PTPRG: variants seen among roughly 807,000 people sequenced by gnomAD.
PTPRG encodes the protein receptor-type tyrosine-protein phosphatase gamma.
Under a neutral mutation model 165.3 loss-of-function variants are expected in PTPRG, and 102 were observed. The observed-to-expected ratio is 0.62, with a 90% confidence interval of 0.53 to 0.73. The LOEUF (loss-of-function observed/expected upper bound fraction) is 0.73. Ranked by LOEUF, PTPRG falls within the 30% of genes least tolerant of loss-of-function variation. The pLI, the probability that PTPRG is intolerant of heterozygous loss-of-function variation, is 0.00. For missense variants in PTPRG, 1,866 were observed against 1,861.4 expected (o/e 1.00, Z -0.05); for synonymous variants, 675 against 669.5 (o/e 1.01, Z -0.13).
chr3:61,942,193 A>C (rs1306717800), intron 2 of PTPRG, among the ~76,000 whole-genome samples: 2 of 150,772 alleles, frequency 1.3e-5, no homozygotes, highest in African/African-American at 4.9e-5. Flanking sequence ...TTAGTTTTGC[A>C]TCATAAACAG....
intron 1 of PTPRG, among the ~76,000 whole-genome samples, chr3:61,704,921 T>C (rs2031171731): frequency 6.6e-6 from 1 of 152,216 alleles, no homozygotes; most frequent in African/African-American, 2.4e-5. Context: ...CAGTTTCTGC[T>C]ACCTGCTCAT....
intron 1 of PTPRG, among the ~76,000 whole-genome samples, chr3:61,668,277 T>C (rs551205856): frequency 2.6e-4 from 40 of 152,224 alleles, no homozygotes; most frequent in Non-Finnish European, 4.7e-4. Context: ...TCCAGTGTTA[T>C]GATGAATGTG....
chr3:62,124,884 C>T (rs541242774), intron 5 of PTPRG, among the ~76,000 whole-genome samples: 3 of 152,304 alleles, frequency 2.0e-5, no homozygotes, highest in East Asian at 3.9e-4. Context: ...TTGCTTTTGC[C>T]TTATTCTACT....
chr3:62,227,173 C>G (rs1700781844), intron 13 of PTPRG, among the ~76,000 whole-genome samples: 2 of 152,148 alleles, frequency 1.3e-5, no homozygotes, highest in South Asian at 4.1e-4. Context: ...ACACAGATCC[C>G]TCCTGTACTG....
intron 2 of PTPRG, among the ~76,000 whole-genome samples, chr3:61,809,906 C>T (rs1418656044): frequency 6.6e-6 from 1 of 152,196 alleles, no homozygotes; most frequent in Non-Finnish European, 1.5e-5. Context: ...TTTCCCCCAG[C>T]TCCTGTATCA....
At chr3:61,925,452 C>G (rs1383067514) in intron 2 of PTPRG, among the ~76,000 whole-genome samples, 1 of 152,192 alleles carries the variant, frequency 6.6e-6, no homozygotes, top group Non-Finnish European at 1.5e-5. Flanking sequence ...CCTTAAAAAT[C>G]ACTGGTCAGG....
At chr3:61,736,146 A>G (rs2106856098) in intron 1 of PTPRG, among the ~76,000 whole-genome samples, 1 of 151,734 alleles carries the variant, frequency 6.6e-6, no homozygotes, top group Non-Finnish European at 1.5e-5. Context: ...GAGCTCAGGC[A>G]ATCCGCCTGC....
intron 2 of PTPRG, among the ~76,000 whole-genome samples, chr3:61,880,154 C>T (rs1386996017): frequency 6.6e-6 from 1 of 152,170 alleles, no homozygotes; most frequent in Non-Finnish European, 1.5e-5. Flanking sequence ...TTATTGAGTG[C>T]TTATCAAATA....
At chr3:61,739,964 G>A (rs1304900191) in intron 1 of PTPRG, among the ~76,000 whole-genome samples, 2 of 152,156 alleles carry the variant, frequency 1.3e-5, no homozygotes, top group Non-Finnish European at 2.9e-5. Flanking sequence ...CTCTCCTGGG[G>A]TTTTCCACAC....
chr3:61,723,097 C>A (rs1230820786), intron 1 of PTPRG, among the ~76,000 whole-genome samples: 1 of 152,040 alleles, frequency 6.6e-6, no homozygotes, highest in African/African-American at 2.4e-5. Flanking sequence ...TTCCTGTCTC[C>A]TTTATTTTCA....
At chr3:62,211,904 C>G (rs1168932957) in intron 12 of PTPRG, among the ~76,000 whole-genome samples, 1 of 151,848 alleles carries the variant, frequency 6.6e-6, no homozygotes, top group Non-Finnish European at 1.5e-5. Flanking sequence ...CAGTAAAAGG[C>G]AAACAGCATT....
chr3:62,200,662 A>C (rs1370548324), intron 10 of PTPRG, among the ~76,000 whole-genome samples: 1 of 152,242 alleles, frequency 6.6e-6, no homozygotes, highest in African/African-American at 2.4e-5. Flanking sequence ...TAATGATAAC[A>C]CATAGAACAG....
chr3:61,691,033 T>A (rs2030173284), intron 1 of PTPRG, among the ~76,000 whole-genome samples: 1 of 152,226 alleles, frequency 6.6e-6, no homozygotes, highest in African/African-American at 2.4e-5. Context: ...TGGCACGCCA[T>A]CAATGTGGAA....
rs71123255 is a variant in PTPRG at position 62,192,393 on chromosome 3, CTTTTTTTTTTTTTTTT to C, written c.1218+758_1218+773del. Among the ~76,000 whole-genome samples, 30 of 52,622 alleles carry C rather than the reference CTTTTTTTTTTTTTTTT, an allele frequency of 5.7e-4. 1 individual carries two copies. Among genetic ancestry groups the C allele is most frequent in the South Asian group, 4.1e-3 (4 of 978 alleles). The allele number at this position is 52,622 out of a possible 152,430, so 34.5% of individuals were successfully genotyped here. A position where few individuals can be genotyped will look rare whatever the true frequency, so the allele number is the denominator to read the frequency against. On this transcript the variant is annotated intron_variant, in intron 9 of 29. Transcript: ENST00000474889. Reference sequence around the variant, plus strand: ...ATAAAGCAAACTCCACAACTACTGTCTTTTTTTTTTTTTTTTTTTTTTTTTTTTTTTTTGAGACAGA... The same window carrying C: ...ATAAAGCAAACTCCACAACTACTGTCTTTTTTTTTTTTTTTTTGAGACAGA...
rs1270815396 is a variant in PTPRG, at chr3:62,233,565, C to A, written c.2375+2254C>A. On this transcript the variant is annotated intron_variant, in intron 14 of 29. Coordinates refer to ENST00000474889, the MANE Select transcript of PTPRG (RefSeq NM_002841.4). This position sits in a 1 kb window ranked among gnomAD's most constrained non-coding sequence, Gnocchi z 4.7. ...TCATTTTCTTTCCTGGCTTGTATCT[C>A]CACCTAAAATGTGGCCAGGAATCAA... Among the ~76,000 whole-genome samples, 1 of 152,182 alleles carries A rather than the reference C, an allele frequency of 6.6e-6. No homozygotes were observed. The highest frequency in any genetic ancestry group is 1.5e-5 in the Non-Finnish European group (1 of 68,032).
intron 2 of PTPRG, among the ~76,000 whole-genome samples, chr3:61,983,483 A>G (rs1189508249): frequency 6.6e-6 from 1 of 152,126 alleles, no homozygotes; most frequent in African/African-American, 2.4e-5. Flanking sequence ...AGCACATAAC[A>G]TGTATATTAG....
chr3:61,746,996 C>T (rs757673131), intron 1 of PTPRG, among the ~76,000 whole-genome samples: 52 of 152,212 alleles, frequency 3.4e-4, no homozygotes, highest in Admixed American at 9.8e-4. Flanking sequence ...TAGTGGCATG[C>T]GCTGATGGTC....
At chr3:62,236,845 G>A (rs1701044402) in intron 14 of PTPRG, among the ~76,000 whole-genome samples, 1 of 152,200 alleles carries the variant, frequency 6.6e-6, no homozygotes, top group African/African-American at 2.4e-5. Flanking sequence ...GTAAGCAGAG[G>A]ACCCTGGATG....
intron 10 of PTPRG, among the ~76,000 whole-genome samples, chr3:62,196,475 A>C (rs1699966256): frequency 6.6e-6 from 1 of 152,222 alleles, no homozygotes; most frequent in Non-Finnish European, 1.5e-5. Context: ...AATCTCATGA[A>C]TAAAATATCT....
Sources: allele counts gnomAD v4.1 joint callset (sites outside exome capture counted in the v4.1 genomes callset), GRCh38; gene constraint gnomAD v4.1.1; non-coding constraint Gnocchi (gnomAD v3.1); transcripts MANE v1.5; gene names NCBI Gene and HGNC (gene_info 2026-07-23, HGNC 2026-07-21).